Variants in SGCZ observed in about 807,000 individuals in gnomAD.
The protein encoded by SGCZ is sarcoglycan zeta.
In SGCZ, 40 loss-of-function variants were observed where a neutral mutation model predicts 41.3. The ratio of observed to expected loss-of-function variants is 0.97; its 90% CI spans 0.75 to 1.26. The LOEUF (loss-of-function observed/expected upper bound fraction) is 1.26, where lower values mean the gene tolerates loss of function less well. Ranked by LOEUF, SGCZ falls within the 50% of genes most tolerant of loss-of-function variation. SGCZ has a pLI of 0.00. For synonymous variants in SGCZ, 206 were observed against 137.5 expected (o/e 1.50, Z -3.49); for missense variants, 552 against 369.8 (o/e 1.49, Z -4.04).
intron 1 of SGCZ, among the ~76,000 whole-genome samples, chr8:14,856,994 G>A (rs1585322784): frequency 6.6e-6 from 1 of 152,244 alleles, no homozygotes; most frequent in South Asian, 2.1e-4. Flanking sequence ...CCCCAGTGTT[G>A]GAGGAGGGGC....
intron 1 of SGCZ, among the ~76,000 whole-genome samples, chr8:14,587,413 T>C (rs931235414): frequency 4.0e-5 from 6 of 149,850 alleles, no homozygotes; most frequent in Non-Finnish European, 1.5e-5. Context: ...GGCTCACAGA[T>C]GTAATTCCAG....
chr8:14,675,979 G>C (rs757372083), intron 1 of SGCZ, among the ~76,000 whole-genome samples: 1 of 152,176 alleles, frequency 6.6e-6, no homozygotes, highest in Non-Finnish European at 1.5e-5. Flanking sequence ...AACACCTGCA[G>C]AGTGGTTCCT....
At chr8:15,222,910 A>C (rs963510311) in intron 1 of SGCZ, among the ~76,000 whole-genome samples, 1 of 152,168 alleles carries the variant, frequency 6.6e-6, no homozygotes, top group Non-Finnish European at 1.5e-5. Flanking sequence ...AAAACTGATA[A>C]TTGCCAACAT....
intron 1 of SGCZ, among the ~76,000 whole-genome samples, chr8:14,776,106 C>G (rs895903292): frequency 6.6e-6 from 1 of 152,178 alleles, no homozygotes; most frequent in Non-Finnish European, 1.5e-5. Context: ...AAAGTGAACT[C>G]TTAATTCTTA....
chr8:14,767,947 A>T (rs781239991), intron 1 of SGCZ, among the ~76,000 whole-genome samples: 3 of 152,242 alleles, frequency 2.0e-5, no homozygotes, highest in Non-Finnish European at 2.9e-5. Context: ...AGATAGCAAC[A>T]GAATCTTGAG....
At chr8:14,474,982 T>C (rs1801317077) in intron 2 of SGCZ, among the ~76,000 whole-genome samples, 1 of 152,178 alleles carries the variant, frequency 6.6e-6, no homozygotes, top group Admixed American at 6.5e-5. Context: ...GCCAGAAGAA[T>C]TAAGTATTCA....
At chr8:14,544,705 C>G (rs974125754) in intron 2 of SGCZ, among the ~76,000 whole-genome samples, 1 of 152,062 alleles carries the variant, frequency 6.6e-6, no homozygotes, top group Admixed American at 6.6e-5. Context: ...TTGTGCTCGA[C>G]CGGTTCTCTG....
intron 1 of SGCZ, among the ~76,000 whole-genome samples, chr8:14,769,772 G>T (rs1054674835): frequency 9.0e-6 from 1 of 111,318 alleles, no homozygotes; most frequent in African/African-American, 4.8e-5. Context: ...TCCATCCTGG[G>T]CGACAAGAGC....
rs191302123 is a variant in SGCZ, at chr8:14,192,885, G to T, written c.425-28183C>A. Among the ~76,000 whole-genome samples, 7 of 152,000 alleles carry T rather than the reference G, an allele frequency of 4.6e-5. No homozygotes were observed. The East Asian group carries it at 1.2e-3, about 25-fold the overall frequency. On this transcript the variant is annotated intron_variant, in intron 4 of 7. Coordinates refer to ENST00000382080, the MANE Select transcript of SGCZ (RefSeq NM_139167.4). ...AAATAATCAGTGCAGTATTTCTTGA[G>T]ACTATACTTTATACATTATATGTTT...
intron 3 of SGCZ, among the ~76,000 whole-genome samples, chr8:14,276,437 G>A (rs769541637): frequency 2.0e-5 from 3 of 152,058 alleles, no homozygotes; most frequent in Non-Finnish European, 2.9e-5. Context: ...TTTATGTCCC[G>A]TGCCATGTGC....
intron 1 of SGCZ, among the ~76,000 whole-genome samples, chr8:14,633,823 T>C (rs1806737600): frequency 6.6e-6 from 1 of 151,916 alleles, no homozygotes; most frequent in Non-Finnish European, 1.5e-5. Flanking sequence ...ATGAATTAAG[T>C]AGTCCAGTGT....
At chr8:15,082,522 C>T (rs1222298634) in intron 1 of SGCZ, among the ~76,000 whole-genome samples, 1 of 151,628 alleles carries the variant, frequency 6.6e-6, no homozygotes, top group Non-Finnish European at 1.5e-5. Flanking sequence ...CACTGAGTTA[C>T]AGAAATTACA....
In SGCZ at chr8:14,217,786, C is replaced by T. The variant is rs142519839; in HGVS notation, c.424+19806G>A. On this transcript the variant is annotated intron_variant, in intron 4 of 7. Transcript: ENST00000382080. ...CTGCGATTACAGGTGAACACCACCA[C>T]GCCCAGCTAATTTTTTGTATTTTTG... Among the ~76,000 whole-genome samples, 1,317 of 151,882 alleles carry T rather than the reference C, an allele frequency of 8.7e-3. 14 individuals carry two copies. The highest frequency in any genetic ancestry group is 0.014 in the Non-Finnish European group (918 of 67,926).
chr8:14,122,136 G>T (rs745538078), intron 5 of SGCZ, among the ~76,000 whole-genome samples: 1 of 152,158 alleles, frequency 6.6e-6, no homozygotes, highest in South Asian at 2.1e-4. Flanking sequence ...AAATAGCCGC[G>T]CATGGCGGCA....
At chr8:15,218,016 G>A (rs1450800242) in intron 1 of SGCZ, among the ~76,000 whole-genome samples, 1 of 152,130 alleles carries the variant, frequency 6.6e-6, no homozygotes, top group African/African-American at 2.4e-5. Context: ...ACCCTGGGAG[G>A]CGGAGATTCC....
At chr8:14,644,488 G>C (rs1022313964) in intron 1 of SGCZ, among the ~76,000 whole-genome samples, 1 of 143,878 alleles carries the variant, frequency 7.0e-6, no homozygotes, top group Non-Finnish European at 1.5e-5. Context: ...CTTTACAGTT[G>C]TGCCAGCCAA....
At chr8:14,570,472 C>T (rs1416128550) in intron 1 of SGCZ, among the ~76,000 whole-genome samples, 1 of 152,094 alleles carries the variant, frequency 6.6e-6, no homozygotes, top group Non-Finnish European at 1.5e-5. Context: ...GTAGATTCAC[C>T]TACCTTAGAA....
intron 2 of SGCZ, among the ~76,000 whole-genome samples, chr8:14,518,872 C>A (rs1053378923): frequency 7.6e-6 from 1 of 131,510 alleles, no homozygotes; most frequent in Non-Finnish European, 1.6e-5. Flanking sequence ...GCCTGGCCAA[C>A]ATGGCGAAAC....
chr8:14,853,898 TTCC>T (rs1803441559), intron 1 of SGCZ, among the ~76,000 whole-genome samples: 1 of 151,738 alleles, frequency 6.6e-6, no homozygotes, highest in African/African-American at 2.4e-5. Flanking sequence ...TAAGCCTTCC[TTCC>T]TCCTTGCCAA....
Sources: allele counts gnomAD v4.1 joint callset (sites outside exome capture counted in the v4.1 genomes callset), GRCh38; gene constraint gnomAD v4.1.1; transcripts MANE v1.5; gene names NCBI Gene and HGNC (gene_info 2026-07-23, HGNC 2026-07-21).